The following MAN2B1 variants were observed in gnomAD, a reference collection of about 807,000 sequenced individuals.
The protein encoded by MAN2B1 is mannosidase alpha class 2B member 1.
In MAN2B1, 99 loss-of-function variants were observed where a neutral mutation model predicts 127.5. The observed-to-expected ratio is 0.78, with a 90% CI of 0.66 to 0.92. The LOEUF is 0.92. Ranked by LOEUF, MAN2B1 falls within the 40% of genes least tolerant of loss-of-function variation. MAN2B1 has a pLI of 0.00. For synonymous variants in MAN2B1, 573 were observed against 568.8 expected, an observed-to-expected ratio of 1.01 and a Z score of -0.11; for missense variants, 1,304 against 1,384.8, an observed-to-expected ratio of 0.94 and a Z score of 0.93.
rs779473726 is a variant in MAN2B1 at position 12,664,885 on chromosome 19, C to T, written c.537G>A (p.Leu179=). 6.8e-6 allele frequency: 11 copies of T among 1,614,158 alleles called. No homozygotes were observed. The South Asian group carries it at 1.2e-4, about 18-fold the overall frequency. Reference sequence around the variant, plus strand: ...GCCCATCATTGCCAAATGTGTCCTCCAGAAAGCGCAGCCCAAGTGTCATCT... The same window carrying T: ...GCCCATCATTGCCAAATGTGTCCTCTAGAAAGCGCAGCCCAAGTGTCATCT... ...VDQMTLGLRF[L]EDTFGNDGRP... is the part of the protein sequence containing the mutation. Residue 179 remains leucine, a synonymous_variant, in exon 4 of 24, where the codon CTG becomes CTA. Coordinates refer to ENST00000456935, the MANE Select transcript of MAN2B1 (RefSeq NM_000528.4).
Position 12,658,294 on chromosome 19 carries a change from A to C in MAN2B1, c.1160T>G (p.Phe387Cys), listed in dbSNP as rs773677036. 6.2e-7 allele frequency: 1 copy of C among 1,614,174 alleles called. No individual in the cohort carries two copies. The highest frequency in any genetic ancestry group is 1.1e-5 in the South Asian group (1 of 91,092). Residue 387 changes from phenylalanine to cysteine, a missense_variant, in exon 9 of 24, where the codon TTC becomes TGC. By Grantham distance (205) the Phe-to-Cys change is radical. Transcript: ENST00000456935. ...CCGACTGGAAAAGTAACCGGTCCAG[A>C]ACTGGTGGGGGCCATCCGCGTAAGG... ...FFPYADGPHQ[F>C]WTGYFSSRPA...
chr19:12,648,275 C>A lies in MAN2B1; in HGVS notation c.2564G>T (p.Gly855Val). The A allele has an allele frequency of 6.2e-7, 1 of 1,609,392 alleles. No homozygotes were observed. The highest frequency in any genetic ancestry group is 8.5e-7 in the Non-Finnish European group (1 of 1,178,898). Reference sequence around the variant, plus strand: ...CTCCTGCTCCGCCAGGAGCCGGTGTCCGGCGGCTGCAGCCTGGGCTGTGTC... The same window carrying A: ...CTCCTGCTCCGCCAGGAGCCGGTGTACGGCGGCTGCAGCCTGGGCTGTGTC... ...LLDTAQAAAA[G>V]HRLLAEQEVL... The change falls in exon 21 of 24, where the codon GGA (glycine) becomes GTA (valine). Residue 855 changes from glycine (G) to valine (V), a missense_variant. Physicochemically the swap from Gly to Val is moderately radical, Grantham distance 109 (BLOSUM62 -3). Transcript: ENST00000456935.
Position 12,647,703 on chromosome 19 carries a change from T to C in MAN2B1, c.2665-105A>G, listed in dbSNP as rs928642117. The C allele has an allele frequency of 6.5e-6, 6 of 924,558 alleles. No homozygotes were observed. The African/African-American group carries it at 8.6e-5, about 13-fold the overall frequency. 57.3% of individuals were successfully genotyped at this position (924,558 alleles called of 1,614,324 possible). ...GCAGGGCTAGGTTGTAGGGGCGGGG[T>C]TTCGCCGGAGAGGGGCAAGGCTCAG... On this transcript the variant is annotated intron_variant, in intron 21 of 23. Transcript: ENST00000456935. The surrounding 1 kb of genome is among the most constrained non-coding windows in gnomAD (Gnocchi z 4.9).
rs752981029 is a variant in MAN2B1 at position 12,665,686 on chromosome 19, C to T, written c.262+17G>A. On this transcript the variant is annotated intron_variant, in intron 2 of 23. Coordinates refer to ENST00000456935, the MANE Select transcript of MAN2B1 (RefSeq NM_000528.4). ...GACCATGGGGATCCCAGGGACCAGT[C>T]CCCATCCTCTACTCACTTCCATAAA... 23 of 1,610,536 alleles carry T rather than the reference C, an allele frequency of 1.4e-5. No homozygotes were observed. The highest frequency in any genetic ancestry group is 1.6e-5 in the Non-Finnish European group (19 of 1,176,850).
intron 5 of MAN2B1, 48 bp downstream of exon 5, chr19:12,663,655 C>A: frequency 3.8e-6 from 6 of 1,577,476 alleles, no homozygotes; most frequent in Non-Finnish European, 5.2e-6. Context: ...CAGGGCCCTT[C>A]TGAGTGTGTG....
chr19:12,657,160 A>G (rs2023984005), intron 11 of MAN2B1, 104 bp from the exon 12 acceptor site: 1 of 777,862 alleles, frequency 1.3e-6, no homozygotes, highest in Non-Finnish European at 2.2e-6. Flanking sequence ...GCCTCCCTCA[A>G]GAGTCGCCCC....
At chr19:12,652,116 A>G in intron 16 of MAN2B1, 37 bp downstream of exon 16, 1 of 1,530,206 alleles carries the variant, frequency 6.5e-7, no homozygotes, top group East Asian at 2.2e-5. Context: ...TAACTTCCCC[A>G]TTCCCAACTG....
chr19:12,661,000 G>A (rs545819230), intron 7 of MAN2B1: 63 of 398,480 alleles, frequency 1.6e-4, no homozygotes, highest in South Asian at 6.1e-4. Flanking sequence ...CTCGTGATCT[G>A]CCCGGCTCAG....
intron 21 of MAN2B1, 64 bp downstream of exon 21, chr19:12,648,111 A>C: frequency 1.4e-6 from 2 of 1,454,564 alleles, no homozygotes; most frequent in Non-Finnish European, 1.9e-6. Context: ...GAAACTCCGC[A>C]CCCAAACCCG....
intron 21 of MAN2B1, 55 bp downstream of exon 21, chr19:12,648,120 C>A: frequency 6.7e-7 from 1 of 1,485,746 alleles, no homozygotes; most frequent in South Asian, 1.2e-5. Flanking sequence ...CACCCAAACC[C>A]GGCTCCCTGG....
At position 12,647,653 on chromosome 19, in the gene MAN2B1, G is replaced by A; in HGVS notation, c.2665-55C>T. On this transcript the variant is annotated intron_variant, in intron 21 of 23. Coordinates refer to ENST00000456935, the MANE Select transcript of MAN2B1 (RefSeq NM_000528.4). The surrounding 1 kb of genome is among the most constrained non-coding windows in gnomAD (Gnocchi z 4.9). ...AGAGGGGCGGGGCCTGGATGGAGAA[G>A]GGCGGGGCCGAGCCAGGTCAGGAGG... The A allele has an allele frequency of 2.6e-6, 4 of 1,521,312 alleles. No homozygotes were observed. Among genetic ancestry groups the A allele is most frequent in the Non-Finnish European group, 3.6e-6 (4 of 1,118,844 alleles). 94.2% of individuals were successfully genotyped at this position (1,521,312 alleles called of 1,614,324 possible).
intron 13 of MAN2B1, 107 bp downstream of exon 13, chr19:12,656,464 C>T (rs2023960380): frequency 2.6e-6 from 2 of 773,212 alleles, no homozygotes; most frequent in East Asian, 4.9e-5. Flanking sequence ...AAGAGATATG[C>T]ATGAGTGGGA....
Position 12,648,156 on chromosome 19 carries a change from C to T in MAN2B1, c.2664+19G>A, listed in dbSNP as rs774405585. ...TAGACTTCAATCCGGTCCTCTCTGC[C>T]TACCCCGCTGCCCCTCACCTGCGTG... On this transcript the variant is annotated intron_variant, in intron 21 of 23. Coordinates refer to ENST00000456935, the MANE Select transcript of MAN2B1 (RefSeq NM_000528.4). 1 of 1,531,948 alleles carries T rather than the reference C, an allele frequency of 6.5e-7. No homozygotes were observed. 94.9% of individuals were successfully genotyped at this position (1,531,948 alleles called of 1,614,324 possible).
intron 4 of MAN2B1, 137 bp downstream of exon 4, chr19:12,664,655 T>C: frequency 1.1e-6 from 1 of 951,022 alleles, no homozygotes; most frequent in South Asian, 1.5e-5. Context: ...TACGGCTCAC[T>C]CAAGGGGCAG....
chr19:12,656,971 G>C lies in MAN2B1; in HGVS notation c.1505C>G (p.Pro502Arg). The stretch of plus-strand genomic sequence containing the variant: ...CACGCGCGCCGCCGTCTGGCTGAGC[G>C]GGCAGATGCTGATGTTTAGCTGTTG... The part of the protein sequence containing the change: ...FCQQLNISIC[P>R]LSQTAARFQV... Residue 502 changes from proline (P) to arginine (R), a missense_variant, in exon 12 of 24, where the codon CCG becomes CGG. Transcript: ENST00000456935. 1 of 1,613,534 alleles carries C rather than the reference G, an allele frequency of 6.2e-7. No homozygotes were observed. Among genetic ancestry groups the C allele is most frequent in the Non-Finnish European group, 8.5e-7 (1 of 1,179,902 alleles).
intron 13 of MAN2B1, chr19:12,656,315 C>T (rs547304499): frequency 1.9e-6 from 1 of 513,062 alleles, no homozygotes; most frequent in African/African-American, 1.9e-5. Flanking sequence ...CAAGATCGCG[C>T]CACTGCACTC....
intron 20 of MAN2B1, 122 bp from the exon 21 acceptor site, chr19:12,648,524 G>A: frequency 1.3e-6 from 1 of 752,808 alleles, no homozygotes; most frequent in South Asian, 1.7e-5. Context: ...GAACGGATGA[G>A]GATGAAGGTG....
chr19:12,657,576 C>T (rs1176851901), intron 10 of MAN2B1, 21 bp from the exon 11 acceptor site: 12 of 1,543,120 alleles, frequency 7.8e-6, no homozygotes, highest in South Asian at 2.4e-5. Flanking sequence ...ACAATGAGTC[C>T]GGTGAGGTTC....
intron 10 of MAN2B1, 180 bp from the exon 11 acceptor site, chr19:12,657,735 G>C (rs1209342463): frequency 3.0e-6 from 2 of 659,090 alleles, no homozygotes; most frequent in East Asian, 5.5e-5. Context: ...GAGGCGGGCG[G>C]ATCACGAGGT....
Sources: allele counts gnomAD v4.1 joint callset, GRCh38; gene constraint gnomAD v4.1.1; non-coding constraint Gnocchi (gnomAD v3.1); transcripts MANE v1.5; gene names NCBI Gene and HGNC (gene_info 2026-07-23, HGNC 2026-07-21).